Variants in PCDHAC2 observed in about 807,000 individuals in gnomAD.
PCDHAC2 encodes protocadherin alpha subfamily C, 2.
A neutral mutation model predicts 63.3 loss-of-function variants in PCDHAC2; 24 were observed. The observed-to-expected ratio is 0.38, with a 90% CI of 0.27 to 0.53. The LOEUF (loss-of-function observed/expected upper bound fraction) is 0.53. Ranked by LOEUF, PCDHAC2 falls within the 20% of genes least tolerant of loss-of-function variation. The pLI, the probability that PCDHAC2 is intolerant of heterozygous loss-of-function variation, is 0.81. For synonymous variants in PCDHAC2, 569 were observed against 529.4 expected, an observed-to-expected ratio of 1.07 and a Z score of -1.03; for missense variants, 1,181 against 1,275.2, an observed-to-expected ratio of 0.93 and a Z score of 1.12.
In PCDHAC2 at chr5:141,011,512, G is replaced by A. The variant is rs561564688; in HGVS notation, c.*1575G>A. On this transcript the variant is annotated 3_prime_UTR_variant, in exon 4 of 4. Coordinates refer to ENST00000289269, the MANE Select transcript of PCDHAC2 (RefSeq NM_018899.6). ...TGTACACCTGTGAAAAAGTGGAGTAGTGTTTTTTTAACCATTGTTAATCAG... is the reference window on the plus strand; with the variant it reads ...TGTACACCTGTGAAAAAGTGGAGTAATGTTTTTTTAACCATTGTTAATCAG... 9 of 153,844 alleles carry A rather than the reference G, an allele frequency of 5.9e-5. No homozygotes were observed. Among genetic ancestry groups the A allele is most frequent in the African/African-American group, 2.2e-4 (9 of 41,570 alleles). 9.5% of individuals were successfully genotyped at this position (153,844 alleles called of 1,614,324 possible).
intron 3 of PCDHAC2, among the ~76,000 whole-genome samples, chr5:141,003,043 C>T (rs2098108698): frequency 6.6e-6 from 1 of 152,198 alleles, no homozygotes; most frequent in Non-Finnish European, 1.5e-5. Flanking sequence ...CCCTCCTGGC[C>T]TTAACAGAAC....
intron 3 of PCDHAC2, among the ~76,000 whole-genome samples, chr5:140,996,253 A>C (rs2153938437): frequency 6.6e-6 from 1 of 152,370 alleles, no homozygotes; most frequent in African/African-American, 2.4e-5. Flanking sequence ...AAGTGACAGC[A>C]ACACAGAGCC....
chr5:140,968,231 T>A lies in PCDHAC2; in HGVS notation c.1465T>A (p.Cys489Ser). ...GAACAATTTGCCAGGTGTGTTGCTC[T>A]GTACTGTGCAAGCCACAGACCCAGA... is the stretch of plus-strand genomic sequence containing the variant. ...QENNLPGVLL[C>S]TVQATDPDEK... Residue 489 changes from cysteine to serine, a missense_variant, in exon 1 of 4, where the codon TGT (cysteine) becomes AGT (serine). This residue lies in a region of PCDHAC2 where 968 missense variants were observed against 1,073.5 expected (regional missense o/e 0.90). Coordinates refer to ENST00000289269, the MANE Select transcript of PCDHAC2 (RefSeq NM_018899.6). The A allele has an allele frequency of 6.2e-7, 1 of 1,614,032 alleles. No homozygotes were observed.
At chr5:140,994,163 G>A (rs2097601451) in intron 3 of PCDHAC2, among the ~76,000 whole-genome samples, 1 of 152,200 alleles carries the variant, frequency 6.6e-6, no homozygotes, top group African/African-American at 2.4e-5. Flanking sequence ...CAACGAAGGG[G>A]AAGGAAGCTG....
At chr5:141,000,900 G>T (rs1020896392) in intron 3 of PCDHAC2, among the ~76,000 whole-genome samples, 4 of 151,614 alleles carry the variant, frequency 2.6e-5, no homozygotes, top group African/African-American at 9.7e-5. Context: ...AGATATAGAC[G>T]CTGTCTCTAA....
chr5:140,966,957 C>T lies in PCDHAC2; in HGVS notation c.191C>T (p.Ala64Val), dbSNP rs868948639. 4 of 1,602,884 alleles carry T rather than the reference C, an allele frequency of 2.5e-6. No individual in the cohort carries two copies. The African/African-American group carries it at 4.0e-5, about 16-fold the overall frequency. ...GCGCTCGTGGGCAACGTGGCTCGCG[C>T]GCTGGGGCTTGAGCTGCGGCGCTTG... Reference protein sequence around the residue: ...PGALVGNVARALGLELRRLGP... With the variant: ...PGALVGNVARVLGLELRRLGP... The change falls in exon 1 of 4, where the codon GCG (alanine) becomes GTG (valine). Residue 64 changes from alanine (A) to valine (V), a missense_variant. Ala to Val is a moderately conservative substitution (Grantham distance 64, BLOSUM62 0). Transcript: ENST00000289269.
chr5:140,986,291 A>C (rs1554247870), intron 3 of PCDHAC2, among the ~76,000 whole-genome samples: 1 of 152,142 alleles, frequency 6.6e-6, no homozygotes, highest in East Asian at 1.9e-4. Context: ...CTTGAGACTG[A>C]GCAGAGAGAG....
chr5:140,969,210 C>G lies in PCDHAC2; in HGVS notation c.2444C>G (p.Thr815Arg). ...ATGTTTTACAATACAGGGGCCCAGA[C>G]AGGACCAGGGCCTTCGGGAGCCCAA... ...TFMFYNTGAQ[T>R]GPGPSGAQAA... The change falls in exon 1 of 4, where the codon ACA becomes AGA. Residue 815 changes from threonine to arginine, a missense_variant. By Grantham distance (71) the Thr-to-Arg change is moderately conservative. Transcript: ENST00000289269. 1 of 1,614,184 alleles carries G rather than the reference C, an allele frequency of 6.2e-7. No individual in the cohort carries two copies. Among genetic ancestry groups the G allele is most frequent in the Non-Finnish European group, 8.5e-7 (1 of 1,180,036 alleles).
intron 1 of PCDHAC2, among the ~76,000 whole-genome samples, chr5:140,978,326 G>A: frequency 6.6e-6 from 1 of 152,202 alleles, no homozygotes; most frequent in East Asian, 1.9e-4. Flanking sequence ...ACAAGTACAA[G>A]TTTATGAAAA....
chr5:141,009,452 TAAAC>T (rs1226554195), intron 3 of PCDHAC2, among the ~76,000 whole-genome samples, 171 bp from the exon 4 acceptor site: 1 of 152,120 alleles, frequency 6.6e-6, no homozygotes, highest in Non-Finnish European at 1.5e-5. Flanking sequence ...TCAAAAAAAT[TAAAC>T]AAATAAATAA....
intron 2 of PCDHAC2, among the ~76,000 whole-genome samples, chr5:140,979,726 G>A (rs2096861839): frequency 1.3e-5 from 2 of 152,072 alleles, no homozygotes; most frequent in African/African-American, 4.8e-5. Context: ...CATGCCATGG[G>A]GCCAAATAAA....
intron 2 of PCDHAC2, among the ~76,000 whole-genome samples, chr5:140,980,721 A>G (rs1219290542): frequency 3.9e-5 from 6 of 152,202 alleles, no homozygotes; most frequent in African/African-American, 1.2e-4. Flanking sequence ...TTCGGGTTTC[A>G]ATTAAGATAT....
In PCDHAC2 at chr5:140,991,838, G is replaced by A. The variant is rs1056330823; in HGVS notation, c.2713+9275G>A. 3.3e-5 allele frequency among the ~76,000 whole-genome samples: 5 copies of A among 152,110 alleles called. No homozygotes were observed. In the East Asian group the frequency reaches 9.6e-4, roughly 29 times the overall value. ...TTTAGGCATTTATAACGGCAGAACC[G>A]CACTTCCAGATACCAAAATCTGTAT... On this transcript the variant is annotated intron_variant, in intron 3 of 3. Transcript: ENST00000289269.
chr5:140,976,374 A>G (rs1163913998), intron 1 of PCDHAC2, among the ~76,000 whole-genome samples: 2 of 152,040 alleles, frequency 1.3e-5, no homozygotes, highest in Non-Finnish European at 2.9e-5. Context: ...AACATGGTGA[A>G]ACCCCATCTC....
chr5:140,967,728 G>C lies in PCDHAC2; in HGVS notation c.962G>C (p.Gly321Ala), dbSNP rs781785028. 13 of 1,614,176 alleles carry C rather than the reference G, an allele frequency of 8.1e-6. No homozygotes were observed. Among genetic ancestry groups the C allele is most frequent in the Non-Finnish European group, 1.1e-5 (13 of 1,180,040 alleles). ...AGTACCGGGGAAGTGCGAGTAATTG[G>C]GGGGCTGGATTATGAGGAAGCCTCC... is the stretch of plus-strand genomic sequence containing the variant. ...DASTGEVRVI[G>A]GLDYEEASSY... Residue 321 changes from glycine (G) to alanine (A), a missense_variant, in exon 1 of 4, where the codon GGG becomes GCG. Physicochemically the swap from Gly to Ala is moderately conservative, Grantham distance 60 (BLOSUM62 0). Transcript: ENST00000289269.
At chr5:140,971,117 G>A (rs868931936) in intron 1 of PCDHAC2, among the ~76,000 whole-genome samples, 1 of 152,162 alleles carries the variant, frequency 6.6e-6, no homozygotes, top group Admixed American at 6.5e-5. Flanking sequence ...ATTGGGGTGG[G>A]CTACAGGTGG....
chr5:140,981,687 A>T (rs1283182396), intron 2 of PCDHAC2, among the ~76,000 whole-genome samples: 1 of 151,972 alleles, frequency 6.6e-6, no homozygotes, highest in Non-Finnish European at 1.5e-5. Flanking sequence ...CCTCCCTTCC[A>T]TCATTCATTC....
intron 1 of PCDHAC2, among the ~76,000 whole-genome samples, chr5:140,970,131 A>G (rs1554232260): frequency 6.6e-6 from 1 of 152,186 alleles, no homozygotes; most frequent in Non-Finnish European, 1.5e-5. Context: ...GAAGGAAGAG[A>G]AGGGAAAAAG....
chr5:141,004,178 T>G (rs527276653), intron 3 of PCDHAC2, among the ~76,000 whole-genome samples: 2 of 152,372 alleles, frequency 1.3e-5, no homozygotes, highest in South Asian at 2.1e-4. Flanking sequence ...CCAAGTGTCT[T>G]GAGTGCTCTT....
Sources: allele counts gnomAD v4.1 joint callset (sites outside exome capture counted in the v4.1 genomes callset), GRCh38; gene constraint gnomAD v4.1.1; regional missense constraint gnomAD v4.1.1; transcripts MANE v1.5; gene names NCBI Gene and HGNC (gene_info 2026-07-23, HGNC 2026-07-21).